Variants in NDST4 observed in about 807,000 individuals in gnomAD.
The protein encoded by NDST4 is N-deacetylase and N-sulfotransferase 4.
In NDST4, 63 loss-of-function variants were observed where a neutral mutation model predicts 100.8. The ratio of observed to expected loss-of-function variants is 0.62; its 90% CI spans 0.51 to 0.77. The LOEUF (loss-of-function observed/expected upper bound fraction) is 0.77. Ranked by LOEUF, NDST4 falls within the 30% of genes least tolerant of loss-of-function variation. The pLI is 0.00. For synonymous variants in NDST4, 377 were observed against 361.8 expected, an observed-to-expected ratio of 1.04 and a Z score of -0.48; for missense variants, 943 against 1,018.4, an observed-to-expected ratio of 0.93 and a Z score of 1.01.
intron 7 of NDST4, among the ~76,000 whole-genome samples, chr4:114,859,153 T>C (rs995455890): frequency 2.0e-5 from 3 of 152,174 alleles, no homozygotes; most frequent in Admixed American, 2.0e-4. Context: ...GTCATCTTTA[T>C]CTAAACACAG....
chr4:114,980,686 C>T (rs752287174), intron 2 of NDST4, among the ~76,000 whole-genome samples: 22 of 149,904 alleles, frequency 1.5e-4, no homozygotes, highest in South Asian at 2.1e-4. Context: ...TAATAAAATG[C>T]GTTTAGAGCT....
At chr4:114,961,984 A>G (rs1384177420) in intron 4 of NDST4, among the ~76,000 whole-genome samples, 1 of 152,106 alleles carries the variant, frequency 6.6e-6, no homozygotes, top group Admixed American at 6.5e-5. Context: ...AACTGATTAT[A>G]TGCAATAACA....
chr4:115,108,636 G>A (rs909632410), intron 1 of NDST4, among the ~76,000 whole-genome samples: 2 of 151,682 alleles, frequency 1.3e-5, no homozygotes, highest in Non-Finnish European at 2.9e-5. Context: ...TATTAAAAAG[G>A]GAGTGTTGGA....
At chr4:115,067,748 T>A (rs1016011188) in intron 2 of NDST4, among the ~76,000 whole-genome samples, 19 of 152,102 alleles carry the variant, frequency 1.2e-4, no homozygotes, top group African/African-American at 4.6e-4. Context: ...TTGTTTTTCT[T>A]TTTTTATTAT....
At chr4:114,996,821 G>T (rs941800930) in intron 2 of NDST4, among the ~76,000 whole-genome samples, 7 of 152,046 alleles carry the variant, frequency 4.6e-5, no homozygotes, top group African/African-American at 1.7e-4. Context: ...GGCAAAATTA[G>T]AAAATGATTC....
intron 2 of NDST4, among the ~76,000 whole-genome samples, chr4:115,000,895 G>A (rs796200965): frequency 2.0e-5 from 3 of 152,200 alleles, no homozygotes; most frequent in African/African-American, 7.2e-5. Context: ...CATATTTGAT[G>A]TCTAGTGAAG....
At position 115,079,991 on chromosome 4, in the gene NDST4, A is replaced by G. The variant is rs180768581; in HGVS notation, c.-246-2709T>C. On this transcript the variant is annotated intron_variant, in intron 1 of 13. Coordinates refer to ENST00000264363, the MANE Select transcript of NDST4 (RefSeq NM_022569.3). Reference sequence around the variant, plus strand: ...AAATATTTTAACACTTCAGATTCCAAATATATAAGTGGACCTTAGCTTTTC... The same window carrying G: ...AAATATTTTAACACTTCAGATTCCAGATATATAAGTGGACCTTAGCTTTTC... 4.2e-3 allele frequency among the ~76,000 whole-genome samples: 640 copies of G among 152,284 alleles called. 3 individuals carry two copies. Among genetic ancestry groups the G allele is most frequent in the South Asian group, 4.8e-3 (23 of 4,816 alleles).
chr4:115,030,524 AC>A (rs1482997151), intron 2 of NDST4, among the ~76,000 whole-genome samples: 1 of 152,128 alleles, frequency 6.6e-6, no homozygotes, highest in Non-Finnish European at 1.5e-5. Flanking sequence ...GAATTATCTA[AC>A]AGAGAAAGAA....
intron 2 of NDST4, among the ~76,000 whole-genome samples, chr4:114,984,651 G>C (rs1293486004): frequency 6.6e-6 from 1 of 152,058 alleles, no homozygotes; most frequent in Non-Finnish European, 1.5e-5. Context: ...AAAAAATATT[G>C]CTTTATGGAA....
chr4:114,882,200 C>T (rs1724385120), intron 6 of NDST4, among the ~76,000 whole-genome samples: 1 of 150,816 alleles, frequency 6.6e-6, no homozygotes. Context: ...CATGACAAAA[C>T]ACATGAATTT....
chr4:115,091,878 T>A (rs1425773072), intron 1 of NDST4, among the ~76,000 whole-genome samples: 1 of 152,190 alleles, frequency 6.6e-6, no homozygotes, highest in East Asian at 1.9e-4. Flanking sequence ...GTTAAAGTAT[T>A]TTTTGGTACT....
chr4:114,923,085 T>C (rs1240981486), intron 6 of NDST4, among the ~76,000 whole-genome samples: 1 of 152,156 alleles, frequency 6.6e-6, no homozygotes, highest in Non-Finnish European at 1.5e-5. Flanking sequence ...CAAAGCCTTC[T>C]AATACAGAAT....
intron 8 of NDST4, among the ~76,000 whole-genome samples, chr4:114,851,196 C>G (rs377753912): frequency 6.6e-6 from 1 of 152,164 alleles, no homozygotes; most frequent in Non-Finnish European, 1.5e-5. Flanking sequence ...TGTGACCCCC[C>G]TGCAGTGAAT....
intron 6 of NDST4, among the ~76,000 whole-genome samples, chr4:114,919,511 G>T (rs1023605995): frequency 1.3e-5 from 2 of 152,130 alleles, no homozygotes; most frequent in Admixed American, 6.5e-5. Flanking sequence ...AAGCCCTGAG[G>T]GACAAACAAT....
chr4:115,106,140 T>C (rs911625937), intron 1 of NDST4, among the ~76,000 whole-genome samples: 3 of 152,040 alleles, frequency 2.0e-5, no homozygotes, highest in African/African-American at 7.2e-5. Flanking sequence ...AAATATCTGG[T>C]TCACCATGGG....
Position 115,077,169 on chromosome 4 carries a change from G to T in NDST4, c.-133C>A. The T allele has an allele frequency of 1.2e-6, 1 of 851,848 alleles. No homozygotes were observed. Among genetic ancestry groups the T allele is most frequent in the Non-Finnish European group, 1.8e-6 (1 of 568,420 alleles). 52.8% of individuals were successfully genotyped at this position (851,848 alleles called of 1,614,324 possible). A position where few individuals can be genotyped will look rare whatever the true frequency, so the allele number is the denominator to read the frequency against. ...CCATCGCAAATCATGTAAAATGTTT[G>T]AAGGGAGCACAACTGAGTTAAAGCT... On this transcript the variant is annotated 5_prime_UTR_variant, in exon 2 of 14. Transcript: ENST00000264363.
intron 2 of NDST4, among the ~76,000 whole-genome samples, chr4:115,032,716 TG>T (rs1728141351): frequency 6.6e-6 from 1 of 152,140 alleles, no homozygotes; most frequent in South Asian, 2.1e-4. Context: ...TACTGTCTTC[TG>T]ACCAAAGCTT....
intron 2 of NDST4, among the ~76,000 whole-genome samples, chr4:115,040,054 T>C (rs1468498700): frequency 6.6e-6 from 1 of 151,882 alleles, no homozygotes; most frequent in Non-Finnish European, 1.5e-5. Flanking sequence ...TAAATAAATT[T>C]TGATTTATAT....
intron 6 of NDST4, among the ~76,000 whole-genome samples, chr4:114,926,307 G>A (rs1447827581): frequency 6.6e-6 from 1 of 151,994 alleles, no homozygotes; most frequent in African/African-American, 2.4e-5. Context: ...ATTTTCAATT[G>A]TTAGGCTCAT....
Sources: allele counts gnomAD v4.1 joint callset (sites outside exome capture counted in the v4.1 genomes callset), GRCh38; gene constraint gnomAD v4.1.1; transcripts MANE v1.5; gene names NCBI Gene and HGNC (gene_info 2026-07-23, HGNC 2026-07-21).